The following RTKN2 variants were observed in gnomAD, a reference collection of about 807,000 sequenced individuals.
RTKN2 encodes the protein rhotekin 2.
A neutral mutation model predicts 71.5 loss-of-function variants in RTKN2; 69 were observed. The ratio of observed to expected loss-of-function variants is 0.96; its 90% CI spans 0.79 to 1.18. The LOEUF is 1.18. Among genes scored for constraint, RTKN2 ranks in the 50% most tolerant of loss-of-function variants. The pLI, the probability that RTKN2 is intolerant of heterozygous loss-of-function variation, is 0.00. For synonymous variants in RTKN2, 236 were observed against 236.5 expected (o/e 1.00, Z 0.02); for missense variants, 724 against 719.7 (o/e 1.01, Z -0.07).
At chr10:62,248,050 A>G (rs1842509973) in intron 2 of RTKN2, among the ~76,000 whole-genome samples, 1 of 152,094 alleles carries the variant, frequency 6.6e-6, no homozygotes, top group Non-Finnish European at 1.5e-5. Context: ...AAACTTGCTG[A>G]ATATTTACCA....
chr10:62,239,708 G>T lies in RTKN2; in HGVS notation c.428C>A (p.Thr143Asn). The T allele has an allele frequency of 6.3e-7, 1 of 1,590,614 alleles. No individual in the cohort carries two copies. Among genetic ancestry groups the T allele is most frequent in the African/African-American group, 1.3e-5 (1 of 74,218 alleles). Residue 143 changes from threonine to asparagine, a missense_variant, in exon 5 of 12, where the codon ACT (threonine) becomes AAT (asparagine). Transcript: ENST00000373789. ...LFKMGANVFD[T>N]DVVNVDKTIT... ...TGTTTTATCCACATTCACCACATCA[G>T]TATCAAACACATTAGCTCCCATTTT...
chr10:62,236,685 T>C (rs1015423993), intron 5 of RTKN2, among the ~76,000 whole-genome samples: 7 of 151,970 alleles, frequency 4.6e-5, no homozygotes, highest in African/African-American at 1.7e-4. Flanking sequence ...ACTATAAGAA[T>C]GCAGCATTAT....
chr10:62,244,130 A>G (rs146757413), intron 3 of RTKN2, among the ~76,000 whole-genome samples: 1 of 152,324 alleles, frequency 6.6e-6, no homozygotes, highest in East Asian at 1.9e-4. Context: ...TTTGTTGCAA[A>G]TATTCATCTT....
chr10:62,218,305 T>C lies in RTKN2; in HGVS notation c.782-4A>G. On this transcript the variant is annotated splice_region_variant and splice_polypyrimidine_tract_variant and intron_variant, in intron 7 of 11. Transcript: ENST00000373789. ...GGAAGCCAAAATGAAGACTCCTCTA[T>C]TTAAAGGAGAAAGAAAAAAAAAAAT... 1 of 1,514,784 alleles carries C rather than the reference T, an allele frequency of 6.6e-7. No homozygotes were observed. Among genetic ancestry groups the C allele is most frequent in the African/African-American group, 1.7e-5 (1 of 58,496 alleles). The allele number at this position is 1,514,784 out of a possible 1,614,324, so 93.8% of individuals were successfully genotyped here. A position where few individuals can be genotyped will look rare whatever the true frequency, so the allele number is the denominator to read the frequency against.
At chr10:62,230,775 C>T (rs1842132310) in intron 6 of RTKN2, among the ~76,000 whole-genome samples, 1 of 152,138 alleles carries the variant, frequency 6.6e-6, no homozygotes, top group Admixed American at 6.5e-5. Flanking sequence ...GGCTTTATAA[C>T]TCACTGAGCC....
In RTKN2 at chr10:62,197,130, G is replaced by A. The variant is rs960442807; in HGVS notation, c.*778C>T. 1 of 984,652 alleles carries A rather than the reference G, an allele frequency of 1.0e-6. No individual in the cohort carries two copies. Among genetic ancestry groups the A allele is most frequent in the Non-Finnish European group, 1.2e-6 (1 of 829,252 alleles). 61.0% of individuals were successfully genotyped at this position (984,652 alleles called of 1,614,324 possible). A position where few individuals can be genotyped will look rare whatever the true frequency, so the allele number is the denominator to read the frequency against. The stretch of plus-strand genomic sequence containing the variant: ...TAAATGAATTTTAAGGTGTTGATCA[G>A]CTACTCACTTCCCTAAATTCCAAAG... On this transcript the variant is annotated 3_prime_UTR_variant, in exon 12 of 12. Coordinates refer to ENST00000373789, the MANE Select transcript of RTKN2 (RefSeq NM_145307.4).
intron 9 of RTKN2, among the ~76,000 whole-genome samples, chr10:62,215,803 T>C (rs879438141): frequency 4.0e-5 from 6 of 151,748 alleles, no homozygotes; most frequent in Non-Finnish European, 8.8e-5. Flanking sequence ...AAGACTAAAG[T>C]ATGAAAAAGC....
intron 10 of RTKN2, among the ~76,000 whole-genome samples, chr10:62,203,007 AATATTAGTTG>A (rs1323911644): frequency 6.6e-6 from 1 of 152,028 alleles, no homozygotes; most frequent in African/African-American, 2.4e-5. Flanking sequence ...CTAAAAATAC[AATATTAGTTG>A]GGCGTGGTGG....
At chr10:62,212,861 T>C (rs990903747) in intron 9 of RTKN2, among the ~76,000 whole-genome samples, 7 of 152,174 alleles carry the variant, frequency 4.6e-5, no homozygotes, top group East Asian at 1.9e-4. Context: ...TTTATCACTA[T>C]ATGAGACAGT....
At chr10:62,227,170 TATAA>T (rs1842043916) in intron 6 of RTKN2, among the ~76,000 whole-genome samples, 1 of 152,176 alleles carries the variant, frequency 6.6e-6, no homozygotes, top group Non-Finnish European at 1.5e-5. Context: ...GAGGAGAATG[TATAA>T]ATATGTAAAC....
intron 8 of RTKN2, among the ~76,000 whole-genome samples, chr10:62,186,366 T>C (rs1489120680): frequency 1.3e-5 from 2 of 152,206 alleles, no homozygotes; most frequent in Non-Finnish European, 2.9e-5. Context: ...AAACTGGTGA[T>C]TTACTAAAAA....
chr10:62,205,344 A>C (rs926237327), intron 9 of RTKN2, among the ~76,000 whole-genome samples: 7 of 152,174 alleles, frequency 4.6e-5, no homozygotes, highest in African/African-American at 1.7e-4. Context: ...ACTGTCTTTT[A>C]TATACATCTT....
At chr10:62,192,796 C>T (rs1841243728), downstream of RTKN2, among the ~76,000 whole-genome samples, 1 of 152,102 alleles carries the variant, frequency 6.6e-6, no homozygotes, top group South Asian at 2.1e-4. Flanking sequence ...CCTAGTAGGG[C>T]ATGGCAGGTT....
intron 6 of RTKN2, among the ~76,000 whole-genome samples, chr10:62,234,682 T>C (rs1490194778): frequency 1.3e-5 from 2 of 152,084 alleles, no homozygotes; most frequent in Admixed American, 6.6e-5. Flanking sequence ...CCAGAGAGTT[T>C]ACAAGGACAC....
chr10:62,266,797 T>A (rs1331289175), intron 1 of RTKN2, among the ~76,000 whole-genome samples: 7 of 152,200 alleles, frequency 4.6e-5, no homozygotes. Context: ...TTCCAACAGC[T>A]GTCTGGGATA....
chr10:62,195,066 A>G lies in RTKN2; in HGVS notation c.*2842T>C. On this transcript the variant is annotated 3_prime_UTR_variant, in exon 12 of 12. Transcript: ENST00000373789. ...TGCCCTTGCAAGATATTAAAATACA[A>G]AAGTTACCACTTAGTAGCAATTAAA... 1.0e-6 allele frequency: 1 copy of G among 984,602 alleles called. No individual in the cohort carries two copies. The highest frequency in any genetic ancestry group is 1.2e-6 in the Non-Finnish European group (1 of 829,186). 61.0% of individuals were successfully genotyped at this position (984,602 alleles called of 1,614,324 possible). A position where few individuals can be genotyped will look rare whatever the true frequency, so the allele number is the denominator to read the frequency against.
intron 6 of RTKN2, among the ~76,000 whole-genome samples, chr10:62,228,082 G>A (rs1842067660): frequency 1.3e-5 from 2 of 152,164 alleles, no homozygotes; most frequent in South Asian, 4.1e-4. Flanking sequence ...GATGCATCCA[G>A]GCAACTGGAT....
intron 6 of RTKN2, among the ~76,000 whole-genome samples, chr10:62,227,834 T>G (rs1417910607): frequency 1.3e-5 from 2 of 152,178 alleles, no homozygotes; most frequent in African/African-American, 4.8e-5. Context: ...GAGAAATGGT[T>G]GAGATTCCTG....
At chr10:62,239,081 A>T (rs2132993111) in intron 5 of RTKN2, 1 of 152,212 alleles carries the variant, frequency 6.6e-6, no homozygotes, top group Admixed American at 6.5e-5. Context: ...GTAAAAGAGC[A>T]GGGACAATAA....
Sources: gnomAD v4.1 joint callset for allele counts (sites outside exome capture counted in the v4.1 genomes callset) on GRCh38, gnomAD v4.1.1 for gene constraint, MANE v1.5 for transcripts, NCBI Gene and HGNC (gene_info 2026-07-23, HGNC 2026-07-21) for gene names.